NCOA1: variants seen among roughly 807,000 people sequenced by gnomAD.
NCOA1 encodes nuclear receptor coactivator 1.
Under a neutral mutation model 150.9 loss-of-function variants are expected in NCOA1, and 35 were observed. The ratio of observed to expected loss-of-function variants is 0.23; its 90% CI spans 0.18 to 0.31. The LOEUF (loss-of-function observed/expected upper bound fraction) is 0.31. Among genes scored for constraint, NCOA1 ranks in the 10% least tolerant of loss-of-function variants. NCOA1 has a pLI of 1.00. For missense variants in NCOA1, 1,491 were observed against 1,749.3 expected, an observed-to-expected ratio of 0.85 and a Z score of 2.63; for synonymous variants, 590 against 630.0, an observed-to-expected ratio of 0.94 and a Z score of 0.95.
chr2:24,591,816 TAG>T (rs1667670885), intron 3 of NCOA1, among the ~76,000 whole-genome samples: 1 of 152,108 alleles, frequency 6.6e-6, no homozygotes, highest in Non-Finnish European at 1.5e-5. Context: ...TATACAAAAG[TAG>T]AGAGTATGAT....
intron 5 of NCOA1, among the ~76,000 whole-genome samples, chr2:24,662,012 T>C (rs112766542): frequency 9.2e-5 from 14 of 152,220 alleles, no homozygotes; most frequent in African/African-American, 3.4e-4. Context: ...ACCATCTCCT[T>C]GAGGTTTATA....
intron 3 of NCOA1, among the ~76,000 whole-genome samples, chr2:24,605,264 C>T (rs1668313938): frequency 6.6e-6 from 1 of 152,170 alleles, no homozygotes; most frequent in African/African-American, 2.4e-5. Flanking sequence ...GACAGACTTG[C>T]TTGGATCAGG....
chr2:24,728,471 G>A lies in NCOA1; in HGVS notation c.2881G>A (p.Val961Ile). The A allele has an allele frequency of 1.2e-6, 2 of 1,610,158 alleles. No individual in the cohort carries two copies. The highest frequency in any genetic ancestry group is 1.7e-6 in the Non-Finnish European group (2 of 1,178,648). ...CAGAGCTCTGGGAATTGACAAACTT[G>A]TTCAGGTATTTATTAAAGTCAACAT... ...LDRALGIDKL[V>I]QGGGLDVLSE... Residue 961 changes from valine (V) to isoleucine (I), a missense_variant, in exon 16 of 23, where the codon GTT (valine) becomes ATT (isoleucine). This residue lies in a region of NCOA1 where 485 missense variants were observed against 522.8 expected (regional missense o/e 0.93). Transcript: ENST00000348332.
At chr2:24,631,511 T>C (rs1054630194) in intron 3 of NCOA1, among the ~76,000 whole-genome samples, 2 of 152,202 alleles carry the variant, frequency 1.3e-5, no homozygotes, top group Non-Finnish European at 2.9e-5. Context: ...TACTGTCCTT[T>C]AGGCATGTAA....
chr2:24,530,644 C>CT (rs1365381332), intron 1 of NCOA1, among the ~76,000 whole-genome samples: 2 of 152,302 alleles, frequency 1.3e-5, no homozygotes, highest in Admixed American at 1.3e-4. Context: ...ATGCCCACTT[C>CT]ATTTGCATTT....
intron 3 of NCOA1, among the ~76,000 whole-genome samples, chr2:24,642,007 C>CGT (rs58991961): frequency 0.052 from 7,606 of 144,968 alleles, 586 homozygotes; most frequent in African/African-American, 0.17. Context: ...TTACAGAGGG[C>CGT]GTGTGTGTGT....
chr2:24,552,456 TCCTA>T (rs1665896603), intron 1 of NCOA1, among the ~76,000 whole-genome samples: 1 of 141,938 alleles, frequency 7.0e-6, no homozygotes, highest in Non-Finnish European at 1.5e-5. Flanking sequence ...AACGTCTGCC[TCCTA>T]GGTTCAAGCA....
chr2:24,596,335 G>A (rs1485188865), intron 3 of NCOA1, among the ~76,000 whole-genome samples: 1 of 152,054 alleles, frequency 6.6e-6, no homozygotes, highest in Non-Finnish European at 1.5e-5. Flanking sequence ...GTTAATATTG[G>A]GAAATGTTTT....
Position 24,501,007 on chromosome 2 carries a change from T to C in NCOA1, c.-396+9405T>C, listed in dbSNP as rs550193750. On this transcript the variant is annotated intron_variant, in intron 1 of 22. Coordinates refer to ENST00000348332, the MANE Select transcript of NCOA1 (RefSeq NM_003743.5). ...CTTGGAAACAGAATTTTCTAACCTG[T>C]ATAAAAATCTTTTAAAAGAGCTGTT... is the stretch of plus-strand genomic sequence containing the variant. 5.0e-4 allele frequency among the ~76,000 whole-genome samples: 76 copies of C among 152,350 alleles called. 1 individual carries two copies. Among genetic ancestry groups the C allele is most frequent in the African/African-American group, 1.8e-3 (76 of 41,582 alleles).
At chr2:24,751,098 G>A (rs550542523) in intron 19 of NCOA1, among the ~76,000 whole-genome samples, 2 of 149,286 alleles carry the variant, frequency 1.3e-5, no homozygotes, top group East Asian at 2.0e-4. Flanking sequence ...AGCCATTTTC[G>A]TGCCTCAGCC....
At chr2:24,605,429 T>A (rs578011232) in intron 3 of NCOA1, among the ~76,000 whole-genome samples, 1 of 152,370 alleles carries the variant, frequency 6.6e-6, no homozygotes, top group East Asian at 1.9e-4. Context: ...TGTTGCTCTG[T>A]AGAACATTTA....
chr2:24,558,302 A>G (rs192369626), intron 1 of NCOA1, among the ~76,000 whole-genome samples: 1 of 152,292 alleles, frequency 6.6e-6, no homozygotes, highest in East Asian at 1.9e-4. Flanking sequence ...TGCAACGGAA[A>G]ACTGTATTAG....
intron 3 of NCOA1, among the ~76,000 whole-genome samples, chr2:24,599,889 T>A (rs536753338): frequency 3.2e-4 from 49 of 151,760 alleles, no homozygotes; most frequent in African/African-American, 1.1e-3. Flanking sequence ...CGCCACCACG[T>A]CCGGCAAATT....
rs571406209 is a variant in NCOA1 at position 24,558,097 on chromosome 2, G to A, written c.-395-6198G>A. 2.0e-5 allele frequency among the ~76,000 whole-genome samples: 3 copies of A among 151,612 alleles called. No homozygotes were observed. The South Asian group carries it at 6.3e-4, about 32-fold the overall frequency. On this transcript the variant is annotated intron_variant, in intron 1 of 22. Transcript: ENST00000348332. Reference sequence around the variant, plus strand: ...TTTTTTTCTTCTCCTGGGAGTAATAGACATTCTGATATAATTCCACAGCTC... The same window carrying A: ...TTTTTTTCTTCTCCTGGGAGTAATAAACATTCTGATATAATTCCACAGCTC...
rs751626907 is a variant in NCOA1, at chr2:24,706,962, G to A, written c.1492G>A (p.Ala498Thr). ...AAGGAGACAGGTTACTTCTGGATTG[G>A]CAACAAGGCCCAGGATGCCAAACAA... ...SPRRQVTSGLATRPRMPNNSF... is the reference protein window; with the variant it reads ...SPRRQVTSGLTTRPRMPNNSF... Residue 498 changes from alanine to threonine, a missense_variant, in exon 13 of 23, where the codon GCA (alanine) becomes ACA (threonine). Ala to Thr is a moderately conservative substitution (Grantham distance 58). This residue lies in a region of NCOA1 where 703 missense variants were observed against 717.7 expected (regional missense o/e 0.98). Coordinates refer to ENST00000348332, the MANE Select transcript of NCOA1 (RefSeq NM_003743.5). The A allele has an allele frequency of 6.2e-7, 1 of 1,614,142 alleles. No individual in the cohort carries two copies. Among genetic ancestry groups the A allele is most frequent in the Non-Finnish European group, 8.5e-7 (1 of 1,180,022 alleles).
At chr2:24,517,148 C>T (rs1326361802) in intron 1 of NCOA1, among the ~76,000 whole-genome samples, 2 of 151,214 alleles carry the variant, frequency 1.3e-5, no homozygotes, top group Admixed American at 1.3e-4. Flanking sequence ...TTTAAAGTTG[C>T]CCCATTTACA....
At chr2:24,632,416 ACT>A (rs1669747875) in intron 3 of NCOA1, among the ~76,000 whole-genome samples, 1 of 152,134 alleles carries the variant, frequency 6.6e-6, no homozygotes. Flanking sequence ...ATCCTTCTTC[ACT>A]CTCTGTCACT....
At chr2:24,657,127 C>G (rs1292614581) in intron 4 of NCOA1, among the ~76,000 whole-genome samples, 3 of 152,172 alleles carry the variant, frequency 2.0e-5, no homozygotes, top group African/African-American at 7.2e-5. Flanking sequence ...TTCTTCCCGG[C>G]ACGGAAGCCC....
chr2:24,549,376 G>T (rs1026905282), intron 1 of NCOA1, among the ~76,000 whole-genome samples: 1 of 152,142 alleles, frequency 6.6e-6, no homozygotes, highest in Non-Finnish European at 1.5e-5. Flanking sequence ...AAACATCTGG[G>T]CTTGTGATGG....
Sources: gnomAD v4.1 joint callset for allele counts (sites outside exome capture counted in the v4.1 genomes callset) on GRCh38, gnomAD v4.1.1 for gene constraint, gnomAD v4.1.1 regional missense constraint, MANE v1.5 for transcripts, NCBI Gene and HGNC (gene_info 2026-07-23, HGNC 2026-07-21) for gene names.